The following RUNX1T1 variants were observed in gnomAD, a reference collection of about 807,000 sequenced individuals.
RUNX1T1 encodes the protein RUNX1 partner transcriptional co-repressor 1, also known as protein CBFA2T1.
A neutral mutation model predicts 62.8 loss-of-function variants in RUNX1T1; 4 were observed. That is an observed-to-expected ratio of 0.06 (90% confidence interval 0.03 to 0.15). The LOEUF (loss-of-function observed/expected upper bound fraction) is 0.15. Among genes scored for constraint, RUNX1T1 ranks in the 10% least tolerant of loss-of-function variants. The pLI is 1.00. For missense variants in RUNX1T1, 508 were observed against 754.3 expected (o/e 0.67, Z 3.82); for synonymous variants, 291 against 286.0 (o/e 1.02, Z -0.18).
intron 5 of RUNX1T1, among the ~76,000 whole-genome samples, chr8:92,002,609 A>T (rs987015418): frequency 2.0e-5 from 3 of 151,918 alleles, no homozygotes; most frequent in African/African-American, 7.2e-5. Flanking sequence ...AATTACCAAA[A>T]TGTGTTTTCT....
exon 5 of RUNX1T1, chr8:92,005,268 G>A: frequency 6.2e-7 from 1 of 1,612,708 alleles, no homozygotes; most frequent in Non-Finnish European, 8.5e-7. Context: ...CGCAGTGGAG[G>A]AGCTCACGCT....
At chr8:92,080,361 C>G (rs1835057836) in intron 1 of RUNX1T1, among the ~76,000 whole-genome samples, 1 of 152,166 alleles carries the variant, frequency 6.6e-6, no homozygotes, top group African/African-American at 2.4e-5. Flanking sequence ...CTTTTACCTG[C>G]CAGGTACTGT....
chr8:92,093,484 T>C (rs761297093), intron 1 of RUNX1T1, among the ~76,000 whole-genome samples: 9 of 152,198 alleles, frequency 5.9e-5, no homozygotes, highest in African/African-American at 1.4e-4. Context: ...TATTAATCTA[T>C]ATAAGTTATT....
At chr8:91,969,154 C>T (rs1190932443) in intron 10 of RUNX1T1, among the ~76,000 whole-genome samples, 1 of 151,938 alleles carries the variant, frequency 6.6e-6, no homozygotes, top group Admixed American at 6.6e-5. Context: ...ATCACAGATA[C>T]TGTTTAACAG....
intron 1 of RUNX1T1, among the ~76,000 whole-genome samples, chr8:92,085,786 T>C (rs774397395): frequency 9.2e-5 from 14 of 152,220 alleles, no homozygotes; most frequent in Non-Finnish European, 1.8e-4. Flanking sequence ...TTTTTTGTTG[T>C]TTCTTCCAAT....
chr8:92,005,080 A>G (rs775961017), intron 5 of RUNX1T1, 36 bp downstream of exon 6: 2 of 1,535,962 alleles, frequency 1.3e-6, no homozygotes, highest in Non-Finnish European at 1.8e-6. Context: ...TATGGGAAAA[A>G]GGTCATGGTT....
At chr8:92,082,076 G>T (rs1046816037) in intron 1 of RUNX1T1, among the ~76,000 whole-genome samples, 3 of 151,988 alleles carry the variant, frequency 2.0e-5, no homozygotes, top group Admixed American at 2.0e-4. Context: ...TAGTAGGGAC[G>T]GGATTTTGCC....
chr8:92,041,037 T>C (rs1003145886), intron 1 of RUNX1T1, among the ~76,000 whole-genome samples: 2 of 152,196 alleles, frequency 1.3e-5, no homozygotes, highest in Admixed American at 6.5e-5. Flanking sequence ...TAGCAGTTAA[T>C]ACTCACCGAG....
intron 1 of RUNX1T1, among the ~76,000 whole-genome samples, chr8:92,056,739 C>G (rs2130497407): frequency 6.6e-6 from 1 of 152,242 alleles, no homozygotes; most frequent in Middle Eastern, 3.4e-3. Context: ...CATGGATACC[C>G]ACCAGTCTCA....
intron 5 of RUNX1T1, among the ~76,000 whole-genome samples, chr8:92,002,525 C>T (rs757943418): frequency 2.0e-5 from 3 of 152,106 alleles, no homozygotes; most frequent in Admixed American, 6.5e-5. Context: ...ACTCAGCAAT[C>T]GTCACAGAAT....
chr8:91,984,423 A>G (rs1563670678), intron 8 of RUNX1T1, among the ~76,000 whole-genome samples: 1 of 152,164 alleles, frequency 6.6e-6, no homozygotes. Context: ...GGCCGACTGA[A>G]TTGAGGTAGC....
intron 8 of RUNX1T1, among the ~76,000 whole-genome samples, chr8:91,979,414 T>C (rs574693591): frequency 1.5e-4 from 23 of 152,246 alleles, no homozygotes; most frequent in African/African-American, 4.3e-4. Context: ...TAAGTACCTA[T>C]AAAATATCAA....
chr8:91,956,476 G>T (rs1809403756), downstream of RUNX1T1: 1 of 226,918 alleles, frequency 4.4e-6, no homozygotes, highest in Non-Finnish European at 8.8e-6. Flanking sequence ...GGCACACCGG[G>T]GACGAGGGAG....
At chr8:91,959,080 A>G (rs1449936844) in exon 11 of RUNX1T1, 2 of 214,880 alleles carry the variant, frequency 9.3e-6, no homozygotes, top group East Asian at 1.4e-4. Context: ...TGGTTAAACT[A>G]CAATGCATCT....
intron 9 of RUNX1T1, among the ~76,000 whole-genome samples, chr8:91,975,468 G>A (rs1813713279): frequency 6.6e-6 from 1 of 150,552 alleles, no homozygotes; most frequent in Non-Finnish European, 1.5e-5. Flanking sequence ...AAGTCAACTA[G>A]ATTTGATGTT....
upstream of RUNX1T1, chr8:92,063,092 G>T: frequency 4.9e-6 from 2 of 407,898 alleles, no homozygotes; most frequent in Non-Finnish European, 7.0e-6. Context: ...CCATAATTGG[G>T]AACTGTATTA....
chr8:92,089,615 A>G (rs1836665061), intron 1 of RUNX1T1, among the ~76,000 whole-genome samples: 1 of 152,050 alleles, frequency 6.6e-6, no homozygotes, highest in South Asian at 2.1e-4. Context: ...TGAGTTCATC[A>G]TCTTGTCCAG....
At chr8:91,984,369 T>C (rs1275576478) in intron 8 of RUNX1T1, among the ~76,000 whole-genome samples, 1 of 152,172 alleles carries the variant, frequency 6.6e-6, no homozygotes, top group Non-Finnish European at 1.5e-5. Flanking sequence ...TTCGGAGATG[T>C]TTCTTTTATA....
At chr8:91,969,064 C>T (rs1812229316) in intron 10 of RUNX1T1, among the ~76,000 whole-genome samples, 1 of 148,022 alleles carries the variant, frequency 6.8e-6, no homozygotes, top group Non-Finnish European at 1.5e-5. Context: ...TCAGTTCCCC[C>T]AAGAGGTCAA....
Sources: allele counts gnomAD v4.1 joint callset (sites outside exome capture counted in the v4.1 genomes callset), GRCh38; gene constraint gnomAD v4.1.1; transcripts MANE v1.5; gene names NCBI Gene and HGNC (gene_info 2026-07-23, HGNC 2026-07-21).